GOLM2: variants seen among roughly 807,000 people sequenced by gnomAD.
GOLM2 encodes the protein protein GOLM2.
In GOLM2, 26 loss-of-function variants were observed where a neutral mutation model predicts 55.9. That is an observed-to-expected ratio of 0.47 (90% CI 0.34 to 0.65). The LOEUF is 0.65. Among genes scored for constraint, GOLM2 ranks in the 30% least tolerant of loss-of-function variants. The pLI is 0.01. For synonymous variants in GOLM2, 165 were observed against 194.6 expected (o/e 0.85, Z 1.27); for missense variants, 486 against 531.8 (o/e 0.91, Z 0.85).
intron 6 of GOLM2, among the ~76,000 whole-genome samples, chr15:44,359,192 T>A (rs917626840): frequency 1.3e-5 from 2 of 151,378 alleles, no homozygotes; most frequent in Non-Finnish European, 2.9e-5. Flanking sequence ...TAGAAACTTC[T>A]GTGAGTGAAA....
intron 1 of GOLM2, chr15:44,307,108 C>T (rs763021774): frequency 6.5e-6 from 1 of 154,698 alleles, no homozygotes; most frequent in Non-Finnish European, 1.5e-5. Flanking sequence ...TTATAAGAAA[C>T]GCATAAAGCA....
chr15:44,409,712 G>C (rs2079623770), intron 9 of GOLM2: 2 of 143,414 alleles, frequency 1.4e-5, no homozygotes, highest in African/African-American at 5.2e-5. Context: ...TTCGAGACCA[G>C]CCTAACCAAC....
At chr15:44,324,104 C>G (rs1344600227) in intron 2 of GOLM2, among the ~76,000 whole-genome samples, 1 of 152,164 alleles carries the variant, frequency 6.6e-6, no homozygotes, top group African/African-American at 2.4e-5. Flanking sequence ...TTCCAACTTG[C>G]AATTTTTACA....
intron 1 of GOLM2, among the ~76,000 whole-genome samples, chr15:44,292,877 C>T (rs541129792): frequency 2.0e-5 from 3 of 152,090 alleles, no homozygotes; most frequent in East Asian, 1.9e-4. Context: ...AGCAGTGGTG[C>T]GATCATAGTT....
intron 6 of GOLM2, among the ~76,000 whole-genome samples, chr15:44,367,425 C>T (rs1018103460): frequency 1.3e-5 from 2 of 152,050 alleles, no homozygotes; most frequent in African/African-American, 2.4e-5. Context: ...TTATTTTATT[C>T]TCATTTTTGA....
chr15:44,346,380 G>C (rs537277169), intron 6 of GOLM2, among the ~76,000 whole-genome samples: 101 of 151,320 alleles, frequency 6.7e-4, no homozygotes, highest in Non-Finnish European at 1.1e-3. Context: ...TCTGGGGTTT[G>C]ACTTGGGCAT....
chr15:44,291,523 T>TA (rs1319168898), intron 1 of GOLM2, among the ~76,000 whole-genome samples: 1 of 152,220 alleles, frequency 6.6e-6, no homozygotes. Flanking sequence ...TTTTTGAAAC[T>TA]ATTCTCTTGA....
chr15:44,404,126 T>C (rs1187300637), intron 9 of GOLM2, among the ~76,000 whole-genome samples: 1 of 152,218 alleles, frequency 6.6e-6, no homozygotes, highest in Non-Finnish European at 1.5e-5. Context: ...TTCTCTTTTC[T>C]ATAAAAGTTG....
chr15:44,334,476 A>G (rs897036154), intron 4 of GOLM2, among the ~76,000 whole-genome samples: 1 of 152,240 alleles, frequency 6.6e-6, no homozygotes, highest in African/African-American at 2.4e-5. Context: ...TCAGCAAACT[A>G]TAGCCCGCAG....
At chr15:44,336,619 A>G (rs1490931044) in intron 4 of GOLM2, among the ~76,000 whole-genome samples, 2 of 152,034 alleles carry the variant, frequency 1.3e-5, no homozygotes, top group Admixed American at 1.3e-4. Flanking sequence ...ACACACTCTT[A>G]AGATTTGGCT....
intron 6 of GOLM2, chr15:44,354,642 C>G (rs2079186096): frequency 6.6e-6 from 1 of 151,272 alleles, no homozygotes; most frequent in South Asian, 2.0e-4. Context: ...AAGGACACAG[C>G]AGCAGCCATG....
intron 2 of GOLM2, among the ~76,000 whole-genome samples, chr15:44,323,282 G>C (rs1482423900): frequency 6.6e-6 from 1 of 151,748 alleles, no homozygotes. Flanking sequence ...GTTCTTAAGA[G>C]AATACTCAAA....
Position 44,337,833 on chromosome 15 carries a change from A to G in GOLM2, c.647A>G (p.Asn216Ser), listed in dbSNP as rs1357720418. Residue 216 changes from asparagine to serine, a missense_variant, in exon 5 of 10, where the codon AAT (asparagine) becomes AGT (serine). By Grantham distance (46) the Asn-to-Ser change is conservative. Coordinates refer to ENST00000299957, the MANE Select transcript of GOLM2 (RefSeq NM_138423.4). The part of the protein sequence containing the change: ...LDINNQVVPK[N>S]IPKVAENVAD... ...ATAAACAATCAAGTAGTACCTAAAA[A>G]TATTCCAAAAGTAGCTGAGAATGTT... is the stretch of plus-strand genomic sequence containing the variant. 1.7e-5 allele frequency: 27 copies of G among 1,606,066 alleles called. No homozygotes were observed. The highest frequency in any genetic ancestry group is 2.3e-5 in the Non-Finnish European group (27 of 1,178,054).
At chr15:44,381,361 G>A (rs1048378063) in intron 8 of GOLM2, among the ~76,000 whole-genome samples, 1 of 152,130 alleles carries the variant, frequency 6.6e-6, no homozygotes, top group African/African-American at 2.4e-5. Flanking sequence ...GAACATTCTG[G>A]GAGAAACATA....
chr15:44,321,873 A>G (rs1036915927), intron 1 of GOLM2, among the ~76,000 whole-genome samples: 2 of 151,920 alleles, frequency 1.3e-5, no homozygotes, highest in African/African-American at 2.4e-5. Flanking sequence ...GCAACATAGC[A>G]AGACCCCGTC....
chr15:44,335,379 A>G (rs1292977882), intron 4 of GOLM2, among the ~76,000 whole-genome samples: 1 of 152,210 alleles, frequency 6.6e-6, no homozygotes, highest in Non-Finnish European at 1.5e-5. Flanking sequence ...ATTAATATTA[A>G]TATTGTCCAT....
At chr15:44,410,576 A>G (rs2079631537) in intron 9 of GOLM2, among the ~76,000 whole-genome samples, 1 of 152,098 alleles carries the variant, frequency 6.6e-6, no homozygotes, top group Admixed American at 6.6e-5. Context: ...AGTGGATTAT[A>G]CTATTTAAAG....
chr15:44,346,633 C>T (rs1319420692), intron 6 of GOLM2, among the ~76,000 whole-genome samples: 3 of 152,282 alleles, frequency 2.0e-5, no homozygotes, highest in South Asian at 4.1e-4. Context: ...TTGGACAGCA[C>T]CAATGCAGAA....
At chr15:44,291,055 A>C (rs984270879) in intron 1 of GOLM2, among the ~76,000 whole-genome samples, 1 of 149,680 alleles carries the variant, frequency 6.7e-6, no homozygotes, top group African/African-American at 2.5e-5. Context: ...CGCCCGCCTC[A>C]GCCTCCCAAA....
Sources: gnomAD v4.1 joint callset for allele counts (sites outside exome capture counted in the v4.1 genomes callset) on GRCh38, gnomAD v4.1.1 for gene constraint, MANE v1.5 for transcripts, NCBI Gene and HGNC (gene_info 2026-07-23, HGNC 2026-07-21) for gene names.